TNIK: variants seen among roughly 807,000 people sequenced by gnomAD.
The protein encoded by TNIK is TRAF2 and NCK-interacting protein kinase.
TNIK carries 49 observed loss-of-function variants against 191.3 expected under a neutral mutation model. That is an observed-to-expected ratio of 0.26 (90% CI 0.20 to 0.32). TNIK has a LOEUF of 0.32. Among genes scored for constraint, TNIK ranks in the 10% least tolerant of loss-of-function variants. The pLI is 1.00. For missense variants in TNIK, 1,155 were observed against 1,702.3 expected, an observed-to-expected ratio of 0.68 and a Z score of 5.66; for synonymous variants, 594 against 600.9, an observed-to-expected ratio of 0.99 and a Z score of 0.17.
At chr3:171,408,226 C>T (rs936352256) in intron 1 of TNIK, among the ~76,000 whole-genome samples, 1 of 152,002 alleles carries the variant, frequency 6.6e-6, no homozygotes, top group Admixed American at 6.5e-5. Context: ...AAAAAAAGTC[C>T]ACATAGACAA....
chr3:171,117,925 G>A lies in TNIK; in HGVS notation c.2120+5671C>T, dbSNP rs147924659. Among the ~76,000 whole-genome samples, 808 of 152,078 alleles carry A rather than the reference G, an allele frequency of 5.3e-3. 17 individuals carry two copies. Among genetic ancestry groups the A allele is most frequent in the African/African-American group, 0.018 (747 of 41,486 alleles). On this transcript the variant is annotated intron_variant, in intron 18 of 32. Coordinates refer to ENST00000436636, the MANE Select transcript of TNIK (RefSeq NM_015028.4). Reference sequence around the variant, plus strand: ...GTGGAGGTTGCAGTGAGCCACGATCGCGCCACTGCACTCCAGCCTGGGTGA... The same window carrying A: ...GTGGAGGTTGCAGTGAGCCACGATCACGCCACTGCACTCCAGCCTGGGTGA...
rs181933282 is a variant in TNIK, at chr3:171,161,361, G to A, written c.950-25C>T. The A allele has an allele frequency of 1.9e-6, 3 of 1,604,958 alleles. No homozygotes were observed. In the East Asian group the frequency reaches 6.7e-5, roughly 36 times the overall value. ...TCTGAAGAAAGATCCCAGCATGTTA[G>A]TGCACAAAAAGATGCTATGGCTCAG... is the stretch of plus-strand genomic sequence containing the variant. On this transcript the variant is annotated intron_variant, in intron 10 of 32. Transcript: ENST00000436636.
chr3:171,171,094 T>TA (rs1234425641), intron 9 of TNIK, among the ~76,000 whole-genome samples: 2 of 152,116 alleles, frequency 1.3e-5, no homozygotes, highest in African/African-American at 4.8e-5. Context: ...TAAGTAAACA[T>TA]AGAGTTCTTT....
At chr3:171,184,507 C>G (rs1737119560) in intron 7 of TNIK, among the ~76,000 whole-genome samples, 1 of 152,174 alleles carries the variant, frequency 6.6e-6, no homozygotes. Flanking sequence ...CAGAGAGCCA[C>G]AGAAATATGT....
chr3:171,194,687 A>G (rs1436471776), intron 4 of TNIK, 52 bp from the exon 5 acceptor site: 16 of 1,542,864 alleles, frequency 1.0e-5, no homozygotes, highest in Non-Finnish European at 1.4e-5. Flanking sequence ...CACTGCTTCC[A>G]TTAAGTTGGG....
At chr3:171,305,057 A>G (rs994849344) in intron 2 of TNIK, among the ~76,000 whole-genome samples, 1 of 151,650 alleles carries the variant, frequency 6.6e-6, no homozygotes, top group Non-Finnish European at 1.5e-5. Flanking sequence ...AGGGAAAAAA[A>G]AAAAGGAAAA....
chr3:171,135,922 T>G (rs549370302), intron 15 of TNIK, among the ~76,000 whole-genome samples: 97 of 152,348 alleles, frequency 6.4e-4, no homozygotes, highest in African/African-American at 2.3e-3. Flanking sequence ...TTGGGAGCTA[T>G]GAACTAGTTC....
At chr3:171,236,067 C>A (rs988000629) in intron 2 of TNIK, among the ~76,000 whole-genome samples, 6 of 152,144 alleles carry the variant, frequency 3.9e-5, no homozygotes, top group Admixed American at 3.9e-4. Context: ...GAACAGAAAG[C>A]CCCTCAAAGG....
intron 30 of TNIK, among the ~76,000 whole-genome samples, chr3:171,068,062 T>C (rs1718698253): frequency 6.6e-6 from 1 of 152,214 alleles, no homozygotes; most frequent in African/African-American, 2.4e-5. Context: ...TTCTCCTGTG[T>C]GTTAGTCTTG....
At chr3:171,114,651 T>C (rs771357545) in intron 18 of TNIK, among the ~76,000 whole-genome samples, 6 of 152,192 alleles carry the variant, frequency 3.9e-5, no homozygotes, top group Non-Finnish European at 7.3e-5. Flanking sequence ...CATATAAATG[T>C]AGACCCTAAT....
rs1288839645 is a variant in TNIK at position 171,063,124 on chromosome 3, C to G, written c.*757G>C. 1 of 152,158 alleles carries G rather than the reference C, an allele frequency of 6.6e-6. No individual in the cohort carries two copies. The highest frequency in any genetic ancestry group is 2.4e-5 in the African/African-American group (1 of 41,430). 9.4% of individuals were successfully genotyped at this position (152,158 alleles called of 1,614,324 possible). ...GCGTTAGTATCCTGTTCAACACACT[C>G]CATTCTGTAAAGGGCCATATAAAAA... On this transcript the variant is annotated 3_prime_UTR_variant, in exon 33 of 33. Transcript: ENST00000436636.
intron 22 of TNIK, among the ~76,000 whole-genome samples, chr3:171,098,068 C>A (rs1261388162): frequency 6.6e-6 from 1 of 152,138 alleles, no homozygotes; most frequent in Non-Finnish European, 1.5e-5. Flanking sequence ...ACGCATGATT[C>A]CCCACTCCTC....
intron 5 of TNIK, among the ~76,000 whole-genome samples, chr3:171,192,840 T>A (rs1738223006): frequency 6.6e-6 from 1 of 152,246 alleles, no homozygotes; most frequent in Non-Finnish European, 1.5e-5. Flanking sequence ...CAGCCAGGCC[T>A]CCTTGTTTCC....
At chr3:171,141,020 G>C (rs967823944) in intron 12 of TNIK, among the ~76,000 whole-genome samples, 3 of 152,148 alleles carry the variant, frequency 2.0e-5, no homozygotes, top group Non-Finnish European at 4.4e-5. Context: ...CACCTAGTCT[G>C]CTACCTTTTC....
chr3:171,077,142 T>C (rs1417811788), intron 28 of TNIK, among the ~76,000 whole-genome samples: 1 of 148,934 alleles, frequency 6.7e-6, no homozygotes, highest in Non-Finnish European at 1.5e-5. Flanking sequence ...TTTCTGCTGA[T>C]AAATGCCCTT....
chr3:171,339,787 G>T (rs76927907), intron 2 of TNIK, among the ~76,000 whole-genome samples: 4,092 of 152,274 alleles, frequency 0.027, 194 homozygotes, highest in African/African-American at 0.093. Flanking sequence ...GTAATTTTCA[G>T]ATTGTGTGCC....
intron 18 of TNIK, among the ~76,000 whole-genome samples, chr3:171,120,018 T>C (rs1269880769): frequency 6.6e-6 from 1 of 152,144 alleles, no homozygotes; most frequent in Non-Finnish European, 1.5e-5. Flanking sequence ...AGTGACATAA[T>C]AGGGAGTTAT....
intron 1 of TNIK, among the ~76,000 whole-genome samples, chr3:171,430,027 A>G (rs1452823062): frequency 6.6e-6 from 1 of 152,114 alleles, no homozygotes; most frequent in Non-Finnish European, 1.5e-5. Flanking sequence ...GAATCTCTAG[A>G]GGTAGATAGA....
At chr3:171,258,086 A>C (rs1747109757) in intron 2 of TNIK, among the ~76,000 whole-genome samples, 1 of 152,150 alleles carries the variant, frequency 6.6e-6, no homozygotes, top group South Asian at 2.1e-4. Context: ...ATGCCCTGCG[A>C]TCTCATGAAG....
Sources: gnomAD v4.1 joint callset for allele counts (sites outside exome capture counted in the v4.1 genomes callset) on GRCh38, gnomAD v4.1.1 for gene constraint, MANE v1.5 for transcripts, NCBI Gene and HGNC (gene_info 2026-07-23, HGNC 2026-07-21) for gene names.